The following FMN1 variants were observed in gnomAD, a reference collection of about 807,000 sequenced individuals.
The protein encoded by FMN1 is formin-1.
A neutral mutation model predicts 132.4 loss-of-function variants in FMN1; 110 were observed. The observed-to-expected ratio is 0.83, with a 90% CI of 0.71 to 0.97. FMN1 has a LOEUF of 0.97. FMN1 is among the 50% of genes least tolerant of loss of function. The pLI is 0.00. For missense variants in FMN1, 1,792 were observed against 1,705.3 expected (o/e 1.05, Z -0.90); for synonymous variants, 722 against 651.7 (o/e 1.11, Z -1.64).
At chr15:33,036,553 G>C (rs1261237108) in intron 6 of FMN1, among the ~76,000 whole-genome samples, 1 of 152,054 alleles carries the variant, frequency 6.6e-6, no homozygotes, top group Non-Finnish European at 1.5e-5. Context: ...CAGTTTAATG[G>C]TACACAATAT....
Position 33,154,011 on chromosome 15 carries a change from G to T in FMN1, c.904C>A (p.Pro302Thr). 6.5e-7 allele frequency: 1 copy of T among 1,536,422 alleles called. No individual in the cohort carries two copies. The highest frequency in any genetic ancestry group is 8.7e-7 in the Non-Finnish European group (1 of 1,147,000). Residue 302 changes from proline (P) to threonine (T), a missense_variant, in exon 4 of 21, where the codon CCT (proline) becomes ACT (threonine). Transcript: ENST00000616417. ...QTGLSESHQD[P>T]EKHPEAEKDE... Reference sequence around the variant, plus strand: ...TTTTCTGCCTCTGGATGCTTCTCAGGGTCCTGGTGACTTTCAGACAAACCT... The same window carrying T: ...TTTTCTGCCTCTGGATGCTTCTCAGTGTCCTGGTGACTTTCAGACAAACCT...
At position 33,054,314 on chromosome 15, in the gene FMN1, C is replaced by A. The variant is rs74628703; in HGVS notation, c.2161+10643G>T. On this transcript the variant is annotated intron_variant, in intron 6 of 20. Coordinates refer to ENST00000616417, the MANE Select transcript of FMN1 (RefSeq NM_001277313.2). ...TTTCTGCTTACACTCCACCATCTCA[C>A]CAAGATGTTCTTTAAGAGTATTTCT... is the stretch of plus-strand genomic sequence containing the variant. Among the ~76,000 whole-genome samples, 1,322 of 152,274 alleles carry A rather than the reference C, an allele frequency of 8.7e-3. 23 individuals carry two copies. The highest frequency in any genetic ancestry group is 0.03 in the African/African-American group (1,263 of 41,554).
intron 3 of FMN1, among the ~76,000 whole-genome samples, chr15:33,174,985 C>T: frequency 6.6e-6 from 1 of 152,148 alleles, no homozygotes; most frequent in Non-Finnish European, 1.5e-5. Flanking sequence ...TTTCTTATCA[C>T]ATCTGCTTTA....
At position 33,005,535 on chromosome 15, in the gene FMN1, T is replaced by C. The variant is rs144527470; in HGVS notation, c.2223+2479A>G. ...TCCAATCTTTTCTTAGTTTGAGATA[T>C]ATAAGATCATAAGACTTTTGCAGAG... On this transcript the variant is annotated intron_variant, in intron 7 of 20. Transcript: ENST00000616417. Among the ~76,000 whole-genome samples, 180 of 152,348 alleles carry C rather than the reference T, an allele frequency of 1.2e-3. 4 individuals are homozygous for C. Among genetic ancestry groups the C allele is most frequent in the East Asian group, 3.9e-3 (20 of 5,190 alleles).
chr15:33,005,260 G>A (rs2034353686), intron 7 of FMN1, among the ~76,000 whole-genome samples: 1 of 151,740 alleles, frequency 6.6e-6, no homozygotes. Flanking sequence ...GCAATAGTGA[G>A]CCATGGTGGC....
chr15:32,837,789 C>T (rs2058661880), intron 17 of FMN1, among the ~76,000 whole-genome samples: 1 of 152,122 alleles, frequency 6.6e-6, no homozygotes, highest in African/African-American at 2.4e-5. Context: ...TAGTAGATAA[C>T]TTATAAATGC....
In FMN1 at chr15:33,016,621, G is replaced by C. The variant is rs927295895; in HGVS notation, c.2162-8546C>G. ...ACTGGGTGTCTCAGGCTAGCAGCTG[G>C]TGAGAGGCTGTTACCTGTAATGTTG... On this transcript the variant is annotated intron_variant, in intron 6 of 20. Transcript: ENST00000616417. Among the ~76,000 whole-genome samples the C allele has an allele frequency of 9.8e-5, 15 of 152,310 alleles. No homozygotes were observed. In the East Asian group the frequency reaches 2.9e-3, roughly 29 times the overall value.
At chr15:32,868,695 C>G (rs2059448953) in intron 16 of FMN1, among the ~76,000 whole-genome samples, 1 of 152,104 alleles carries the variant, frequency 6.6e-6, no homozygotes, top group Admixed American at 6.5e-5. Flanking sequence ...CTGACATTCA[C>G]TCATTCACCC....
chr15:32,894,783 A>T (rs1596206701), intron 15 of FMN1, among the ~76,000 whole-genome samples: 1 of 109,486 alleles, frequency 9.1e-6, no homozygotes, highest in East Asian at 2.4e-4. Flanking sequence ...GAAGACAGTT[A>T]AAAAAAAAAA....
At chr15:33,046,205 A>G (rs1264325346) in intron 6 of FMN1, among the ~76,000 whole-genome samples, 3 of 152,202 alleles carry the variant, frequency 2.0e-5, no homozygotes, top group Non-Finnish European at 2.9e-5. Context: ...GGGATCCTTA[A>G]TATCTGGAAA....
rs751361851 is a variant in FMN1, at chr15:32,888,235, C to T, written c.3772G>A (p.Ala1258Thr). Reference sequence around the variant, plus strand: ...AGGTCTTCAAACTTGACTTGGGAGGCCAGAAAGAAATCCTGTGGTTCCGGC... The same window carrying T: ...AGGTCTTCAAACTTGACTTGGGAGGTCAGAAAGAAATCCTGTGGTTCCGGC... ...PLPEPQDFFL[A>T]SQVKFEDLIK... The change falls in exon 16 of 21, where the codon GCC becomes ACC. Residue 1258 changes from alanine to threonine, a missense_variant. By Grantham distance (58) the Ala-to-Thr change is moderately conservative. Transcript: ENST00000616417. The T allele has an allele frequency of 2.5e-6, 4 of 1,612,956 alleles. No individual in the cohort carries two copies. Among genetic ancestry groups the T allele is most frequent in the South Asian group, 1.1e-5 (1 of 90,894 alleles).
chr15:32,981,353 G>A (rs541275607), intron 7 of FMN1, among the ~76,000 whole-genome samples: 34 of 151,556 alleles, frequency 2.2e-4, no homozygotes, highest in Non-Finnish European at 3.1e-4. Flanking sequence ...ATTAGCCGGC[G>A]CGGTGGCAGG....
intron 9 of FMN1, among the ~76,000 whole-genome samples, chr15:32,963,139 T>C (rs866791767): frequency 2.0e-3 from 297 of 150,018 alleles, no homozygotes; most frequent in African/African-American, 7.1e-3. Flanking sequence ...GTGGCACATA[T>C]ACACCATGGA....
intron 6 of FMN1, among the ~76,000 whole-genome samples, chr15:33,057,509 A>G (rs979842313): frequency 6.6e-6 from 1 of 152,196 alleles, no homozygotes; most frequent in East Asian, 1.9e-4. Flanking sequence ...CCTCCTTTTT[A>G]GAGACAAGGA....
chr15:33,104,575 A>G (rs538962214), intron 4 of FMN1, among the ~76,000 whole-genome samples: 513 of 152,212 alleles, frequency 3.4e-3, no homozygotes, highest in Non-Finnish European at 6.3e-3. Flanking sequence ...AACCTAAGAT[A>G]GCGCCAGTCA....
chr15:33,102,875 G>A (rs1219255968), intron 4 of FMN1, among the ~76,000 whole-genome samples: 1 of 152,048 alleles, frequency 6.6e-6, no homozygotes, highest in Non-Finnish European at 1.5e-5. Context: ...TCAAACCATG[G>A]AACTAATTAG....
At chr15:32,891,654 A>C (rs1017821055) in intron 15 of FMN1, among the ~76,000 whole-genome samples, 1 of 152,148 alleles carries the variant, frequency 6.6e-6, no homozygotes, top group Non-Finnish European at 1.5e-5. Flanking sequence ...CTACCTTTTC[A>C]CAATATTGAT....
At chr15:32,892,958 A>C (rs553533290) in intron 15 of FMN1, among the ~76,000 whole-genome samples, 20 of 152,278 alleles carry the variant, frequency 1.3e-4, no homozygotes, top group Middle Eastern at 3.4e-3. Flanking sequence ...AACATCTGGC[A>C]TATCAATAAG....
rs555760509 is a variant in FMN1 at position 33,024,223 on chromosome 15, A to ATTTTTTTTTTTTT, written c.2162-16161_2162-16149dup. On this transcript the variant is annotated intron_variant, in intron 6 of 20. Coordinates refer to ENST00000616417, the MANE Select transcript of FMN1 (RefSeq NM_001277313.2). ...GGGAATACTATTTCACACCTATCAG[A>ATTTTTTTTTTTTT]TTTTTTTTTTTTTTTTTTTTTTTTT... Among the ~76,000 whole-genome samples, 45 of 88,004 alleles carry ATTTTTTTTTTTTT rather than the reference A, an allele frequency of 5.1e-4. 9 individuals are homozygous for ATTTTTTTTTTTTT. Among genetic ancestry groups the ATTTTTTTTTTTTT allele is most frequent in the East Asian group, 3.8e-3 (8 of 2,080 alleles). 57.7% of individuals were successfully genotyped at this position (88,004 alleles called of 152,430 possible).
Sources: gnomAD v4.1 joint callset for allele counts (sites outside exome capture counted in the v4.1 genomes callset) on GRCh38, gnomAD v4.1.1 for gene constraint, MANE v1.5 for transcripts, NCBI Gene and HGNC (gene_info 2026-07-23, HGNC 2026-07-21) for gene names.